The following TRIM43B variants were observed in gnomAD, a reference collection of about 807,000 sequenced individuals.
The protein encoded by TRIM43B is tripartite motif containing 43B, also known as tripartite motif-containing protein 43B.
A neutral mutation model predicts 27.0 loss-of-function variants in TRIM43B; 15 were observed. The observed-to-expected ratio is 0.55, with a 90% confidence interval of 0.37 to 0.85. The LOEUF is 0.85. TRIM43B is among the 40% of genes least tolerant of loss of function. TRIM43B has a pLI of 0.00. For synonymous variants in TRIM43B, 69 were observed against 97.8 expected (o/e 0.71, Z 1.74); for missense variants, 172 against 289.8 (o/e 0.59, Z 2.95).
At chr2:95,484,660 A>C (rs545808785) in exon 1 of TRIM43B, 5 of 152,114 alleles carry the variant, frequency 3.3e-5, no homozygotes. Flanking sequence ...AGATGGATTC[A>C]GCTCAGGGAT....
chr2:95,480,384 T>G, exon 4 of TRIM43B: 1 of 1,609,568 alleles, frequency 6.2e-7, no homozygotes, highest in East Asian at 2.2e-5. Flanking sequence ...ACTCTTTTGA[T>G]CCATTTTGAC....
chr2:95,480,803 A>T (rs1462660508), intron 3 of TRIM43B, among the ~76,000 whole-genome samples: 1 of 152,156 alleles, frequency 6.6e-6, no homozygotes, highest in Admixed American at 6.6e-5. Context: ...ATTGTCATGG[A>T]TAATACACAT....
intron 1 of TRIM43B, among the ~76,000 whole-genome samples, chr2:95,483,426 AAGAC>A (rs199670149): frequency 0.07 from 10,590 of 151,840 alleles, 529 homozygotes; most frequent in Middle Eastern, 0.12. Context: ...ACATCTTTAA[AAGAC>A]AGACAATTAA....
At chr2:95,481,549 A>G (rs1573603827) in intron 3 of TRIM43B, 46 bp downstream of exon 3, 1 of 1,459,026 alleles carries the variant, frequency 6.9e-7, no homozygotes, top group Non-Finnish European at 9.3e-7. Flanking sequence ...TGTTGTCAGC[A>G]TGCCTGTCTC....
At chr2:95,484,032 T>C (rs1389182737) in intron 1 of TRIM43B, among the ~76,000 whole-genome samples, 1 of 142,960 alleles carries the variant, frequency 7.0e-6, no homozygotes, top group African/African-American at 2.6e-5. Flanking sequence ...GTAAAATGTC[T>C]AGATCATCCT....
In TRIM43B at chr2:95,481,698, A is replaced by T; in HGVS notation, c.412-8T>A. On this transcript the variant is annotated splice_region_variant and splice_polypyrimidine_tract_variant and intron_variant, in intron 2 of 6. Transcript: ENST00000639673. ...TTGCTTTAAGAGTTTCTCCTGCAAA[A>T]GAATTAAAGGTTGAACAGAAAGTCA... 1 of 1,610,804 alleles carries T rather than the reference A, an allele frequency of 6.2e-7. No individual in the cohort carries two copies.
rs1683503700 is a variant in TRIM43B at position 95,480,551 on chromosome 2, T to C, written c.508-16A>G. 1 of 1,604,860 alleles carries C rather than the reference T, an allele frequency of 6.2e-7. No individual in the cohort carries two copies. Among genetic ancestry groups the C allele is most frequent in the African/African-American group, 1.3e-5 (1 of 74,156 alleles). On this transcript the variant is annotated splice_polypyrimidine_tract_variant and intron_variant, in intron 3 of 6. Coordinates refer to ENST00000639673, the Ensembl canonical transcript of TRIM43B. ...CCACATCGCCCTGTAGGGATATGAA[T>C]TTTGTAGGTTATATACCCAGGCCTA...
rs750256233 is a variant in TRIM43B at position 95,480,377 on chromosome 2, C to CT, written c.665dup (p.Ser223GlufsTer2). ...GATACATTTCTTTCAAGTGTTTACT[C>CT]TTTTGATCCATTTTGACCCAACTTC... On this transcript the variant is annotated frameshift_variant, in exon 4 of 7. Coordinates refer to ENST00000639673, the Ensembl canonical transcript of TRIM43B. LOFTEE classifies it high-confidence loss of function. 6.2e-7 allele frequency: 1 copy of CT among 1,609,834 alleles called. No homozygotes were observed. The highest frequency in any genetic ancestry group is 2.2e-5 in the East Asian group (1 of 44,566).
In TRIM43B at chr2:95,480,554, T is replaced by C; in HGVS notation, c.508-19A>G. ...CATCGCCCTGTAGGGATATGAATTT[T>C]GTAGGTTATATACCCAGGCCTACTT... On this transcript the variant is annotated intron_variant, in intron 3 of 6. Transcript: ENST00000639673. The C allele has an allele frequency of 6.2e-7, 1 of 1,604,644 alleles. No individual in the cohort carries two copies. Among genetic ancestry groups the C allele is most frequent in the Non-Finnish European group, 8.5e-7 (1 of 1,176,342 alleles).
intron 3 of TRIM43B, among the ~76,000 whole-genome samples, chr2:95,481,386 C>A (rs1683519107): frequency 6.6e-6 from 1 of 152,094 alleles, no homozygotes; most frequent in South Asian, 2.1e-4. Context: ...ACTTGCCCTT[C>A]AGAATTTATA....
At chr2:95,481,183 G>A (rs183667929) in intron 3 of TRIM43B, among the ~76,000 whole-genome samples, 3 of 151,932 alleles carry the variant, frequency 2.0e-5, no homozygotes, top group Non-Finnish European at 4.4e-5. Context: ...GCATCATGTG[G>A]GTCCTTTGCT....
At chr2:95,483,130 C>T (rs1222369134) in intron 1 of TRIM43B, among the ~76,000 whole-genome samples, 1 of 152,100 alleles carries the variant, frequency 6.6e-6, no homozygotes, top group African/African-American at 2.4e-5. Flanking sequence ...AGCTCTTCTA[C>T]TCTCATTATT....
At chr2:95,482,234 T>C in intron 2 of TRIM43B, 70 bp downstream of exon 2, 1 of 1,431,062 alleles carries the variant, frequency 7.0e-7, no homozygotes, top group East Asian at 2.5e-5. Context: ...ACCGTGATTC[T>C]CATCATCCTT....
rs545117457 is a variant in TRIM43B at position 95,482,984 on chromosome 2, G to A, written c.-4-266C>T. Among the ~76,000 whole-genome samples the A allele has an allele frequency of 2.2e-3, 328 of 152,140 alleles. 3 individuals carry two copies. The highest frequency in any genetic ancestry group is 7.5e-3 in the African/African-American group (312 of 41,548). The stretch of plus-strand genomic sequence containing the variant: ...ATGGAAGAATGTCGGATTTTTTGAG[G>A]TGTTAGTATCCACCAAATTGCTTGG... On this transcript the variant is annotated intron_variant, in intron 1 of 6. Coordinates refer to ENST00000639673, the Ensembl canonical transcript of TRIM43B.
exon 1 of TRIM43B, chr2:95,484,645 G>A (rs920682276): frequency 6.6e-6 from 1 of 152,042 alleles, no homozygotes; most frequent in Non-Finnish European, 1.5e-5. Context: ...GCTTGCTGTC[G>A]AATCAGATGG....
At chr2:95,483,420 C>A (rs1573604884) in intron 1 of TRIM43B, among the ~76,000 whole-genome samples, 1 of 150,846 alleles carries the variant, frequency 6.6e-6, no homozygotes, top group Admixed American at 6.6e-5. Flanking sequence ...ATTACAACAT[C>A]TTTAAAAGAC....
intron 1 of TRIM43B, among the ~76,000 whole-genome samples, chr2:95,484,068 TAA>T (rs33962775): frequency 1.4e-3 from 148 of 108,390 alleles, no homozygotes; most frequent in African/African-American, 4.3e-3. Context: ...TATATAAATT[TAA>T]AAAAAAAAAA....
intron 1 of TRIM43B, 93 bp from the exon 2 acceptor site, chr2:95,482,811 C>T: frequency 6.5e-7 from 1 of 1,529,150 alleles, no homozygotes; most frequent in Non-Finnish European, 8.7e-7. Context: ...GAATAATATC[C>T]TTTCTTTCTA....
rs571455698 is a variant in TRIM43B, at chr2:95,482,589, C to T, written c.126G>A (p.Ser42=). Reference sequence around the variant, plus strand: ...TTGCAGGACTTTGGGCTTCCTCCCACGAAAGGCAGAGACAGGGCCTACAGA... The same window carrying T: ...TTGCAGGACTTTGGGCTTCCTCCCATGAAAGGCAGAGACAGGGCCTACAGA... The change falls in exon 2 of 7, where the codon TCG becomes TCA. Residue 42 remains serine, a synonymous_variant. Coordinates refer to ENST00000639673, the Ensembl canonical transcript of TRIM43B. 9.9e-6 allele frequency: 16 copies of T among 1,613,326 alleles called. No homozygotes were observed. In the East Asian group the frequency reaches 1.3e-4, roughly 13 times the overall value.
Sources: gnomAD v4.1 joint callset for allele counts (sites outside exome capture counted in the v4.1 genomes callset) on GRCh38, gnomAD v4.1.1 for gene constraint, MANE v1.5 for transcripts, NCBI Gene and HGNC (gene_info 2026-07-23, HGNC 2026-07-21) for gene names.